Variants in PDE10A observed in about 807,000 individuals in gnomAD.
The protein encoded by PDE10A is cAMP and cAMP-inhibited cGMP 3',5'-cyclic phosphodiesterase 10A.
PDE10A carries 39 observed loss-of-function variants against 97.7 expected under a neutral mutation model. That is an observed-to-expected ratio of 0.40 (90% confidence interval 0.31 to 0.52). The LOEUF is 0.52. Ranked by LOEUF, PDE10A falls within the 20% of genes least tolerant of loss-of-function variation. PDE10A has a pLI of 0.56. For missense variants in PDE10A, 731 were observed against 1,047.8 expected, an observed-to-expected ratio of 0.70 and a Z score of 4.17; for synonymous variants, 371 against 376.8, an observed-to-expected ratio of 0.98 and a Z score of 0.18.
chr6:165,404,525 A>G (rs1401706328), intron 13 of PDE10A, among the ~76,000 whole-genome samples: 1 of 152,182 alleles, frequency 6.6e-6, no homozygotes, highest in Admixed American at 6.5e-5. Flanking sequence ...ATTTCAAGCT[A>G]AAAACTTAAC....
At chr6:165,526,259 G>A (rs506249) in intron 2 of PDE10A, among the ~76,000 whole-genome samples, 105,232 of 152,014 alleles carry the variant, frequency 0.69, 39,726 homozygotes, top group Non-Finnish European at 0.83. Context: ...TTAAAGTAGG[G>A]GCTTATGGAG....
intron 3 of PDE10A, among the ~76,000 whole-genome samples, chr6:165,474,043 C>T (rs221724): frequency 0.55 from 82,933 of 152,010 alleles, 23,072 homozygotes; most frequent in Non-Finnish European, 0.59. Flanking sequence ...ACTAGTCAGA[C>T]GTTGCCAAAG....
intron 1 of PDE10A, among the ~76,000 whole-genome samples, chr6:165,567,816 C>A (rs942742531): frequency 3.7e-4 from 57 of 152,140 alleles, no homozygotes; most frequent in African/African-American, 1.3e-3. Context: ...TTTCTGAATG[C>A]AAATCTAAAG....
At chr6:165,912,214 C>T (rs149308031) in intron 1 of PDE10A, among the ~76,000 whole-genome samples, 1 of 152,166 alleles carries the variant, frequency 6.6e-6, no homozygotes, top group African/African-American at 2.4e-5. Flanking sequence ...ATCTATTGAT[C>T]ACCTATCTAC....
intron 1 of PDE10A, among the ~76,000 whole-genome samples, chr6:165,798,932 T>G (rs563507380): frequency 6.6e-6 from 1 of 152,228 alleles, no homozygotes; most frequent in Non-Finnish European, 1.5e-5. Flanking sequence ...GGTCTGGAAC[T>G]CCTGACCTCA....
chr6:165,689,049 A>G (rs896984001), intron 1 of PDE10A, among the ~76,000 whole-genome samples: 1 of 152,256 alleles, frequency 6.6e-6, no homozygotes, highest in Non-Finnish European at 1.5e-5. Context: ...GGCACGGCTT[A>G]TGCAGGATAT....
At chr6:165,763,924 A>G (rs1211403907) in intron 1 of PDE10A, among the ~76,000 whole-genome samples, 2 of 146,386 alleles carry the variant, frequency 1.4e-5, no homozygotes, top group African/African-American at 2.7e-5. Context: ...CTTGACAACA[A>G]TCATAAGGGA....
chr6:165,520,319 T>G (rs1386136366), intron 2 of PDE10A, among the ~76,000 whole-genome samples: 2 of 152,218 alleles, frequency 1.3e-5, no homozygotes, highest in African/African-American at 2.4e-5. Context: ...AGAAATTTCA[T>G]GTACCACCTC....
chr6:165,639,527 C>A (rs756803206), intron 1 of PDE10A, among the ~76,000 whole-genome samples: 2 of 151,948 alleles, frequency 1.3e-5, no homozygotes, highest in South Asian at 4.2e-4. Context: ...CACCTGAGGT[C>A]AGGAGTTCAA....
intron 1 of PDE10A, among the ~76,000 whole-genome samples, chr6:165,741,451 C>T (rs911042997): frequency 5.9e-5 from 9 of 152,104 alleles, no homozygotes; most frequent in Non-Finnish European, 1.2e-4. Context: ...TAAAGTCCGA[C>T]AAGTCAAATG....
intron 18 of PDE10A, among the ~76,000 whole-genome samples, chr6:165,348,038 A>T (rs1024242472): frequency 2.6e-4 from 40 of 152,276 alleles, no homozygotes; most frequent in Middle Eastern, 3.4e-3. Flanking sequence ...CCTTTCTTTG[A>T]CATGCACGTA....
At chr6:165,630,265 T>C (rs1788569238) in intron 1 of PDE10A, among the ~76,000 whole-genome samples, 1 of 152,112 alleles carries the variant, frequency 6.6e-6, no homozygotes, top group South Asian at 2.1e-4. Flanking sequence ...GGACAATCAC[T>C]TGAGCCAGGG....
At position 165,671,159 on chromosome 6, in the gene PDE10A, A is replaced by G. The variant is rs867288552; in HGVS notation, c.-614-127591T>C. Among the ~76,000 whole-genome samples, 1 of 152,034 alleles carries G rather than the reference A, an allele frequency of 6.6e-6. No individual in the cohort carries two copies. Among genetic ancestry groups the G allele is most frequent in the South Asian group, 2.1e-4 (1 of 4,816 alleles). On this transcript the variant is annotated intron_variant, in intron 1 of 19. Transcript: ENST00000366882. The surrounding 1 kb of genome is among the most constrained non-coding windows in gnomAD (Gnocchi z 4.6). ...CTAATTTTTTTTTTTTTAAGAATCA[A>G]CAACAAATGATGCTTGCTACAAATT... is the stretch of plus-strand genomic sequence containing the variant.
In PDE10A at chr6:165,683,935, T is replaced by C. The variant is rs76891382; in HGVS notation, c.-614-140367A>G. 9.5e-3 allele frequency among the ~76,000 whole-genome samples: 1,447 copies of C among 152,318 alleles called. 22 individuals are homozygous for C. Among genetic ancestry groups the C allele is most frequent in the African/African-American group, 0.033 (1,373 of 41,560 alleles). ...TTCTGGCCACACCACCTCCTGGCTA[T>C]TCCTCAGATATACCAGGTACTGAGA... On this transcript the variant is annotated intron_variant, in intron 1 of 19. Transcript: ENST00000366882.
At chr6:165,896,033 A>G (rs1781934855) in intron 1 of PDE10A, among the ~76,000 whole-genome samples, 1 of 152,200 alleles carries the variant, frequency 6.6e-6, no homozygotes, top group African/African-American at 2.4e-5. Context: ...TTGATATGGT[A>G]GAGACCCAGC....
At chr6:165,829,342 C>T (rs1779846951) in intron 1 of PDE10A, among the ~76,000 whole-genome samples, 1 of 151,788 alleles carries the variant, frequency 6.6e-6, no homozygotes, top group Non-Finnish European at 1.5e-5. Flanking sequence ...ATCTCATCGG[C>T]CATGCAGTCC....
chr6:165,698,063 T>C (rs778628251), intron 1 of PDE10A, among the ~76,000 whole-genome samples: 2 of 152,178 alleles, frequency 1.3e-5, no homozygotes, highest in Non-Finnish European at 2.9e-5. Context: ...TACCATGAAG[T>C]GAATCTCTCC....
chr6:165,484,838 A>C (rs1372262100), intron 2 of PDE10A, among the ~76,000 whole-genome samples: 1 of 152,012 alleles, frequency 6.6e-6, no homozygotes, highest in Non-Finnish European at 1.5e-5. Flanking sequence ...TACCACTTCC[A>C]TCTGCACCTC....
chr6:165,869,348 C>G (rs1199055779), intron 1 of PDE10A, among the ~76,000 whole-genome samples: 1 of 72,148 alleles, frequency 1.4e-5, no homozygotes, highest in Admixed American at 1.5e-4. Context: ...TATAATACTA[C>G]AAAAGAAAAA....
Sources: allele counts gnomAD v4.1 joint callset (sites outside exome capture counted in the v4.1 genomes callset), GRCh38; gene constraint gnomAD v4.1.1; non-coding constraint Gnocchi (gnomAD v3.1); transcripts MANE v1.5; gene names NCBI Gene and HGNC (gene_info 2026-07-23, HGNC 2026-07-21).